The following SGCZ variants were observed in gnomAD, a reference collection of about 807,000 sequenced individuals.
The protein encoded by SGCZ is zeta-sarcoglycan.
SGCZ carries 40 observed loss-of-function variants against 41.3 expected under a neutral mutation model. That is an observed-to-expected ratio of 0.97 (90% CI 0.75 to 1.26). The LOEUF is 1.26. SGCZ is among the 50% of genes most tolerant of loss of function. The pLI, the probability that SGCZ is intolerant of heterozygous loss-of-function variation, is 0.00. For missense variants in SGCZ, 552 were observed against 369.8 expected (o/e 1.49, Z -4.04); for synonymous variants, 206 against 137.5 (o/e 1.50, Z -3.49).
rs369527102 is a variant in SGCZ, at chr8:15,010,351, A to G, written c.39+227234T>C. 5.1e-4 allele frequency among the ~76,000 whole-genome samples: 77 copies of G among 152,350 alleles called. 1 individual carries two copies. Among genetic ancestry groups the G allele is most frequent in the East Asian group, 3.7e-3 (19 of 5,192 alleles). ...CAAAAGATATAATTCTACCTCATCT[A>G]TCATTTATAGAAATCTCAACAGAAA... On this transcript the variant is annotated intron_variant, in intron 1 of 7. Coordinates refer to ENST00000382080, the MANE Select transcript of SGCZ (RefSeq NM_139167.4).
intron 1 of SGCZ, among the ~76,000 whole-genome samples, chr8:15,115,248 T>A (rs369461897): frequency 6.6e-6 from 1 of 152,260 alleles, no homozygotes; most frequent in African/African-American, 2.4e-5. Context: ...GTTGGAAACA[T>A]AGAAGAGGCA....
chr8:14,607,776 T>C (rs960059603), intron 1 of SGCZ, among the ~76,000 whole-genome samples: 1 of 152,180 alleles, frequency 6.6e-6, no homozygotes, highest in Non-Finnish European at 1.5e-5. Context: ...TCTGGATAAT[T>C]ATGTTAACAC....
intron 1 of SGCZ, among the ~76,000 whole-genome samples, chr8:15,115,253 G>A (rs1205805392): frequency 6.6e-6 from 1 of 152,090 alleles, no homozygotes; most frequent in Admixed American, 6.5e-5. Flanking sequence ...AAACATAGAA[G>A]AGGCACGTTT....
chr8:14,522,697 T>C (rs553286528), intron 2 of SGCZ, among the ~76,000 whole-genome samples: 2 of 151,804 alleles, frequency 1.3e-5, no homozygotes, highest in East Asian at 3.9e-4. Flanking sequence ...TTTTTTCTTA[T>C]TTTTTTCCAT....
chr8:15,206,584 G>T (rs1801074637), intron 1 of SGCZ, among the ~76,000 whole-genome samples: 2 of 151,864 alleles, frequency 1.3e-5, no homozygotes, highest in Admixed American at 1.3e-4. Context: ...GAGTAGCTGG[G>T]ATTACAGGTG....
intron 1 of SGCZ, among the ~76,000 whole-genome samples, chr8:15,093,927 C>T (rs7821053): frequency 0.67 from 101,572 of 151,914 alleles, 34,385 homozygotes; most frequent in Admixed American, 0.74. Context: ...CCGGGTTCTT[C>T]TATGGGTCCT....
At chr8:14,310,074 G>C (rs1435389647) in intron 3 of SGCZ, among the ~76,000 whole-genome samples, 2 of 152,088 alleles carry the variant, frequency 1.3e-5, no homozygotes, top group Admixed American at 6.6e-5. Context: ...GTATGCAGGA[G>C]CATATTTTGC....
intron 1 of SGCZ, among the ~76,000 whole-genome samples, chr8:15,183,282 G>A (rs574144210): frequency 6.6e-6 from 1 of 152,258 alleles, no homozygotes; most frequent in African/African-American, 2.4e-5. Context: ...TTCTATGCTA[G>A]GCTGTCATAC....
chr8:14,977,792 G>A lies in SGCZ; in HGVS notation c.39+259793C>T, dbSNP rs530271520. ...ACTTTCCATATTTTTAAACCAAAAA[G>A]CTATCTATGATTTTAAGAGATATAT... On this transcript the variant is annotated intron_variant, in intron 1 of 7. Transcript: ENST00000382080. Among the ~76,000 whole-genome samples, 47 of 151,724 alleles carry A rather than the reference G, an allele frequency of 3.1e-4. No individual in the cohort carries two copies. In the East Asian group the frequency reaches 9.1e-3, roughly 29 times the overall value.
At chr8:14,551,582 T>TATATATA (rs1159101180) in intron 2 of SGCZ, among the ~76,000 whole-genome samples, 5 of 26,652 alleles carry the variant, frequency 1.9e-4, no homozygotes, top group Admixed American at 6.6e-4. Context: ...ATATATATAA[T>TATATATA]ATATATAATA....
At chr8:15,037,410 T>C (rs1803912526) in intron 1 of SGCZ, among the ~76,000 whole-genome samples, 1 of 152,182 alleles carries the variant, frequency 6.6e-6, no homozygotes, top group South Asian at 2.1e-4. Flanking sequence ...CCTGCAGAAC[T>C]GTTAGTCAAT....
rs552020841 is a variant in SGCZ at position 14,859,746 on chromosome 8, T to C, written c.40-304820A>G. Among the ~76,000 whole-genome samples, 52 of 152,306 alleles carry C rather than the reference T, an allele frequency of 3.4e-4. 1 individual carries two copies. The South Asian group carries it at 0.011, about 31-fold the overall frequency. ...GATTTTATAAATTCATGAAATAATATGTAAGCCAGCGAAATATGAGTGCAA... is the reference window on the plus strand; with the variant it reads ...GATTTTATAAATTCATGAAATAATACGTAAGCCAGCGAAATATGAGTGCAA... On this transcript the variant is annotated intron_variant, in intron 1 of 7. Transcript: ENST00000382080.
intron 3 of SGCZ, among the ~76,000 whole-genome samples, chr8:14,245,468 G>T (rs1207124119): frequency 2.0e-5 from 3 of 152,142 alleles, no homozygotes; most frequent in African/African-American, 7.2e-5. Context: ...AGACTTAAAC[G>T]TTAGATCTAA....
At chr8:14,628,261 A>G (rs1319730029) in intron 1 of SGCZ, among the ~76,000 whole-genome samples, 4 of 152,142 alleles carry the variant, frequency 2.6e-5, no homozygotes, top group Non-Finnish European at 5.9e-5. Context: ...TGAACAAAAA[A>G]TAAATATTGT....
intron 3 of SGCZ, among the ~76,000 whole-genome samples, chr8:14,285,531 C>T (rs1800591621): frequency 1.3e-5 from 2 of 151,932 alleles, no homozygotes; most frequent in South Asian, 4.1e-4. Context: ...TGTATGTATT[C>T]ACAGTATTTA....
At chr8:14,791,642 TTC>T (rs915548976) in intron 1 of SGCZ, among the ~76,000 whole-genome samples, 2 of 152,098 alleles carry the variant, frequency 1.3e-5, no homozygotes, top group African/African-American at 4.8e-5. Context: ...AAGGCAAACT[TTC>T]TGTTTAAATA....
chr8:14,424,542 T>C (rs1489260061), intron 2 of SGCZ, among the ~76,000 whole-genome samples: 1 of 152,220 alleles, frequency 6.6e-6, no homozygotes, highest in Non-Finnish European at 1.5e-5. Flanking sequence ...ATATCCCATA[T>C]GGTACCATAA....
At chr8:14,306,197 T>A (rs190444138) in intron 3 of SGCZ, among the ~76,000 whole-genome samples, 1 of 152,310 alleles carries the variant, frequency 6.6e-6, no homozygotes, top group Non-Finnish European at 1.5e-5. Context: ...ATAACCATCA[T>A]GACAACAAAA....
At chr8:15,209,097 C>G (rs1230130686) in intron 1 of SGCZ, among the ~76,000 whole-genome samples, 1 of 67,036 alleles carries the variant, frequency 1.5e-5, no homozygotes, top group Non-Finnish European at 3.8e-5. Flanking sequence ...AACTTTGCAT[C>G]ACAAATATCT....
Sources: allele counts gnomAD v4.1 joint callset (sites outside exome capture counted in the v4.1 genomes callset), GRCh38; gene constraint gnomAD v4.1.1; transcripts MANE v1.5; gene names NCBI Gene and HGNC (gene_info 2026-07-23, HGNC 2026-07-21).